Variants in RIMS4 observed in about 807,000 individuals in gnomAD.
RIMS4 encodes regulating synaptic membrane exocytosis protein 4.
Under a neutral mutation model 29.0 loss-of-function variants are expected in RIMS4, and 9 were observed. The ratio of observed to expected loss-of-function variants is 0.31; its 90% CI spans 0.19 to 0.54. The LOEUF is 0.54. Ranked by LOEUF, RIMS4 falls within the 20% of genes least tolerant of loss-of-function variation. The probability of loss-of-function intolerance (pLI) is 0.94; values close to 1 mark genes in which losing one functional copy is unlikely to be tolerated. For missense variants in RIMS4, 193 were observed against 365.7 expected (o/e 0.53, Z 3.85); for synonymous variants, 130 against 152.9 (o/e 0.85, Z 1.10).
intron 1 of RIMS4, among the ~76,000 whole-genome samples, chr20:44,798,012 C>G (rs117617273): frequency 4.2e-4 from 64 of 152,328 alleles, no homozygotes; most frequent in African/African-American, 1.5e-3. Flanking sequence ...GCTCATCCCA[C>G]GACAAATCAA....
intron 2 of RIMS4, among the ~76,000 whole-genome samples, chr20:44,764,212 A>G (rs1392641578): frequency 2.0e-5 from 3 of 150,484 alleles, no homozygotes; most frequent in African/African-American, 7.5e-5. Context: ...CCATCCATCC[A>G]CCCATCCATC....
At position 44,778,091 on chromosome 20, in the gene RIMS4, A is replaced by G. The variant is rs150402202; in HGVS notation, c.98-6678T>C. 1.2e-4 allele frequency among the ~76,000 whole-genome samples: 19 copies of G among 152,266 alleles called. No homozygotes were observed. The East Asian group carries it at 3.7e-3, about 29-fold the overall frequency. Reference sequence around the variant, plus strand: ...ACATGCCTCCCTTGTCCAGGTCTTGAAGTCCATCTGAAAATCAAGGGCTGA... The same window carrying G: ...ACATGCCTCCCTTGTCCAGGTCTTGGAGTCCATCTGAAAATCAAGGGCTGA... On this transcript the variant is annotated intron_variant, in intron 1 of 5. Transcript: ENST00000372851.
At position 44,763,201 on chromosome 20, in the gene RIMS4, C is replaced by T. The variant is rs952869943; in HGVS notation, c.237-5017G>A. On this transcript the variant is annotated intron_variant, in intron 2 of 5. Coordinates refer to ENST00000372851, the MANE Select transcript of RIMS4 (RefSeq NM_182970.4). ...GGAGTGAAGACTGGATTTGGCATAA[C>T]GCAGACCCTGGATGCCAGTACTGTA... Among the ~76,000 whole-genome samples the T allele has an allele frequency of 2.2e-4, 33 of 152,230 alleles. 1 individual carries two copies. Among genetic ancestry groups the T allele is most frequent in the South Asian group, 6.2e-4 (3 of 4,830 alleles).
chr20:44,796,416 TG>T (rs1331223532), intron 1 of RIMS4, among the ~76,000 whole-genome samples: 11 of 148,384 alleles, frequency 7.4e-5, no homozygotes, highest in Non-Finnish European at 1.6e-4. Flanking sequence ...GGAAATAGAG[TG>T]GGGAGGAAGG....
At chr20:44,783,508 T>C (rs1224698184) in intron 1 of RIMS4, among the ~76,000 whole-genome samples, 3 of 151,890 alleles carry the variant, frequency 2.0e-5, no homozygotes, top group African/African-American at 7.3e-5. Flanking sequence ...TCTGTAATCC[T>C]AGCTACTCAG....
intron 1 of RIMS4, among the ~76,000 whole-genome samples, chr20:44,774,293 T>A (rs992719772): frequency 1.1e-4 from 17 of 152,316 alleles, no homozygotes; most frequent in Middle Eastern, 3.4e-3. Flanking sequence ...GTCAACTCGA[T>A]TGGATTGAAG....
chr20:44,808,074 G>A (rs1296925709), intron 1 of RIMS4, among the ~76,000 whole-genome samples: 1 of 145,782 alleles, frequency 6.9e-6, no homozygotes, highest in African/African-American at 2.6e-5. Flanking sequence ...GCATATATAT[G>A]TGTGTGTGTA....
At chr20:44,775,599 G>A (rs2066156774) in intron 1 of RIMS4, among the ~76,000 whole-genome samples, 1 of 152,198 alleles carries the variant, frequency 6.6e-6, no homozygotes, top group African/African-American at 2.4e-5. Flanking sequence ...GCGGGGCTGG[G>A]GCCACCCTTT....
intron 2 of RIMS4, among the ~76,000 whole-genome samples, chr20:44,763,514 G>C (rs1487727378): frequency 6.6e-6 from 1 of 152,240 alleles, no homozygotes; most frequent in South Asian, 2.1e-4. Flanking sequence ...CTGAGAATAA[G>C]CCCAAGCCAT....
chr20:44,762,089 T>C (rs1311188195), intron 2 of RIMS4, among the ~76,000 whole-genome samples: 1 of 152,168 alleles, frequency 6.6e-6, no homozygotes, highest in Non-Finnish European at 1.5e-5. Flanking sequence ...TCATCAGGCA[T>C]TAGTTAGATT....
intron 1 of RIMS4, among the ~76,000 whole-genome samples, chr20:44,792,357 A>C (rs887147554): frequency 2.7e-5 from 4 of 149,014 alleles, no homozygotes; most frequent in African/African-American, 1.0e-4. Context: ...CAGTGGTGTG[A>C]TCTCGGCTCA....
At chr20:44,809,157 T>C (rs769402805) in intron 1 of RIMS4, among the ~76,000 whole-genome samples, 64 of 151,970 alleles carry the variant, frequency 4.2e-4, no homozygotes, top group Non-Finnish European at 7.4e-4. Flanking sequence ...GGCTCAGAGG[T>C]GGCATGACTT....
chr20:44,809,217 C>T (rs2066312054), intron 1 of RIMS4, among the ~76,000 whole-genome samples: 1 of 152,148 alleles, frequency 6.6e-6, no homozygotes, highest in African/African-American at 2.4e-5. Context: ...AACCTGATTC[C>T]GATTCCCAAT....
At chr20:44,766,766 C>G (rs1375293648) in intron 2 of RIMS4, among the ~76,000 whole-genome samples, 1 of 152,148 alleles carries the variant, frequency 6.6e-6, no homozygotes, top group Non-Finnish European at 1.5e-5. Context: ...GCAGGCTCTG[C>G]TGGGCCATCC....
chr20:44,772,004 G>A (rs1452818529), intron 1 of RIMS4, among the ~76,000 whole-genome samples: 1 of 152,080 alleles, frequency 6.6e-6, no homozygotes, highest in Admixed American at 6.5e-5. Flanking sequence ...AGGACTACTC[G>A]CACTGAAACC....
chr20:44,771,775 G>A (rs1209409972), intron 1 of RIMS4, among the ~76,000 whole-genome samples: 3 of 152,048 alleles, frequency 2.0e-5, no homozygotes, highest in African/African-American at 7.3e-5. Context: ...TTTTGACCAG[G>A]GTTTCTTGAC....
intron 1 of RIMS4, among the ~76,000 whole-genome samples, chr20:44,775,409 G>A (rs1174935191): frequency 1.3e-5 from 2 of 152,104 alleles, no homozygotes; most frequent in African/African-American, 4.8e-5. Flanking sequence ...TTGGGCTACT[G>A]AGCCCATGTT....
At chr20:44,777,455 A>G (rs982504275) in intron 1 of RIMS4, among the ~76,000 whole-genome samples, 1 of 152,240 alleles carries the variant, frequency 6.6e-6, no homozygotes, top group African/African-American at 2.4e-5. Flanking sequence ...TGTACAAATT[A>G]TATACACATA....
intron 1 of RIMS4, among the ~76,000 whole-genome samples, chr20:44,794,236 C>T (rs908138168): frequency 3.9e-4 from 60 of 152,296 alleles, no homozygotes; most frequent in African/African-American, 1.4e-3. Flanking sequence ...AACAGATGTA[C>T]CAACCACTTG....
Sources: gnomAD v4.1 joint callset for allele counts (sites outside exome capture counted in the v4.1 genomes callset) on GRCh38, gnomAD v4.1.1 for gene constraint, MANE v1.5 for transcripts, NCBI Gene and HGNC (gene_info 2026-07-23, HGNC 2026-07-21) for gene names.